Variants in STS observed in about 807,000 individuals in gnomAD.
STS encodes steroid sulfatase.
STS carries 7 observed loss-of-function variants against 26.8 expected under a neutral mutation model. That is an observed-to-expected ratio of 0.26 (90% CI 0.15 to 0.49). STS has a LOEUF of 0.49. STS is among the 20% of genes least tolerant of loss of function. The pLI, the probability that STS is intolerant of heterozygous loss-of-function variation, is 0.98. For synonymous variants in STS, 199 were observed against 189.4 expected (o/e 1.05, Z -0.42); for missense variants, 434 against 465.6 (o/e 0.93, Z 0.63).
chrX:7,279,823 G>C (rs961853471), intron 7 of STS, among the ~76,000 whole-genome samples: 2 of 110,659 alleles, frequency 1.8e-5, no homozygotes, highest in Non-Finnish European at 3.8e-5. Flanking sequence ...GCAATCTTTG[G>C]GGATATCAGT....
chrX:7,211,575 A>G, intron 2 of STS, among the ~76,000 whole-genome samples: 1 of 111,621 alleles, frequency 9.0e-6, no homozygotes, highest in East Asian at 2.8e-4. Context: ...TACTCCCACG[A>G]ATTTTTCTGG....
intron 1 of STS, among the ~76,000 whole-genome samples, chrX:7,182,748 G>C (rs752300263): frequency 9.0e-6 from 1 of 110,837 alleles, no homozygotes; most frequent in South Asian, 3.9e-4. Context: ...CTCTGCGGGG[G>C]GTGGTAATCT....
intron 7 of STS, among the ~76,000 whole-genome samples, chrX:7,300,802 G>A (rs1277699414): frequency 9.0e-6 from 1 of 111,694 alleles, no homozygotes; most frequent in African/African-American, 3.3e-5. Flanking sequence ...ATGAGGACAT[G>A]TTAAATATCA....
Position 7,260,572 on chromosome X carries a change from A to AT in STS, c.806+808dup, listed in dbSNP as rs1432307225. Among the ~76,000 whole-genome samples the AT allele has an allele frequency of 7.3e-5, 8 of 110,092 alleles. No individual in the cohort carries two copies. The East Asian group carries it at 2.0e-3, about 28-fold the overall frequency. The stretch of plus-strand genomic sequence containing the variant: ...AGGTGCCTGCCACCATGCCTGGCTA[A>AT]TTTTTTTTCTATTTTTAGTAGAGAC... On this transcript the variant is annotated intron_variant, in intron 6 of 10. Coordinates refer to ENST00000674429, the MANE Select transcript of STS (RefSeq NM_001320752.2).
At chrX:7,265,794 A>T (rs1441528971) in intron 6 of STS, among the ~76,000 whole-genome samples, 1 of 112,236 alleles carries the variant, frequency 8.9e-6, no homozygotes, top group Non-Finnish European at 1.9e-5. Context: ...GATTTAAAGC[A>T]CATTGTTACA....
At chrX:7,238,160 G>A (rs1404192301) in intron 2 of STS, among the ~76,000 whole-genome samples, 1 of 88,480 alleles carries the variant, frequency 1.1e-5, no homozygotes, top group Admixed American at 1.3e-4. Context: ...GTGTGTGTGT[G>A]TACACACAAT....
chrX:7,346,829 A>T (rs1928549671), intron 10 of STS, among the ~76,000 whole-genome samples: 1 of 112,081 alleles, frequency 8.9e-6, no homozygotes, highest in African/African-American at 3.2e-5. Context: ...GTGCTTTGGG[A>T]GGCCAAGGCA....
At chrX:7,149,174 A>G (rs1932957032) in intron 1 of STS, among the ~76,000 whole-genome samples, 1 of 110,217 alleles carries the variant, frequency 9.1e-6, no homozygotes, top group Non-Finnish European at 1.9e-5. Context: ...TTGGGGGAAT[A>G]GTTTGAGCCC....
intron 2 of STS, among the ~76,000 whole-genome samples, chrX:7,235,534 G>A (rs1922274710): frequency 8.9e-6 from 1 of 111,796 alleles, no homozygotes; most frequent in Admixed American, 9.5e-5. Flanking sequence ...GCACTTTGAG[G>A]GGCTAAAGTG....
At chrX:7,342,564 G>A (rs1414202873) in intron 10 of STS, among the ~76,000 whole-genome samples, 2 of 112,474 alleles carry the variant, frequency 1.8e-5, no homozygotes, top group African/African-American at 3.2e-5. Flanking sequence ...GATGCACCCA[G>A]CCACCAGAGC....
chrX:7,257,189 T>C (rs1238251742), intron 3 of STS, 53 bp from the exon 4 acceptor site: 1 of 1,201,090 alleles, frequency 8.3e-7, no homozygotes, highest in Non-Finnish European at 1.1e-6. Flanking sequence ...CAAAACTAAA[T>C]ACATGAACAA....
At chrX:7,194,082 T>C (rs1417039571) in intron 2 of STS, among the ~76,000 whole-genome samples, 2 of 110,504 alleles carry the variant, frequency 1.8e-5, no homozygotes, top group Non-Finnish European at 3.8e-5. Flanking sequence ...TTTTTGTATT[T>C]TTAGTGGAGA....
intron 2 of STS, among the ~76,000 whole-genome samples, chrX:7,210,404 T>C (rs190936582): frequency 0.011 from 1,211 of 109,322 alleles, 19 homozygotes; most frequent in African/African-American, 0.038. Context: ...TATATATCTA[T>C]ACACACACAC....
chrX:7,325,547 C>G (rs1170429894), intron 9 of STS, 49 bp downstream of exon 9: 2 of 1,186,139 alleles, frequency 1.7e-6, no homozygotes, highest in African/African-American at 3.5e-5. Context: ...GATTTCACAG[C>G]CCAGTATGCT....
chrX:7,288,979 A>G (rs1925280675), intron 7 of STS, among the ~76,000 whole-genome samples: 1 of 111,263 alleles, frequency 9.0e-6, no homozygotes, highest in South Asian at 3.8e-4. Context: ...GTGGGCAGCA[A>G]TAATTAGTTC....
chrX:7,246,268 T>C (rs939821878), intron 2 of STS, among the ~76,000 whole-genome samples: 1 of 109,081 alleles, frequency 9.2e-6, no homozygotes, highest in Non-Finnish European at 1.9e-5. Context: ...GAGACTTTTT[T>C]TTTTTTTTTT....
chrX:7,209,244 T>C (rs1920975190), intron 2 of STS, among the ~76,000 whole-genome samples: 1 of 110,891 alleles, frequency 9.0e-6, no homozygotes, highest in South Asian at 3.7e-4. Context: ...AGATCTTCCA[T>C]AGCAGGTAAC....
At chrX:7,260,343 A>G (rs1923681070) in intron 6 of STS, among the ~76,000 whole-genome samples, 1 of 112,460 alleles carries the variant, frequency 8.9e-6, no homozygotes, top group Non-Finnish European at 1.9e-5. Flanking sequence ...TGGGCTGGAA[A>G]GGCCCATGGC....
In STS at chrX:7,307,567, G is replaced by T. The variant is rs139189266; in HGVS notation, c.1081+2384G>T. 1.9e-3 allele frequency among the ~76,000 whole-genome samples: 211 copies of T among 111,888 alleles called. 1 individual carries two copies. The highest frequency in any genetic ancestry group is 6.7e-3 in the African/African-American group (207 of 30,792). ...CAGGCAAAGTCATAAGTCTATACAT[G>T]GAGATTATACATTGGTTTGACCTAA... is the stretch of plus-strand genomic sequence containing the variant. On this transcript the variant is annotated intron_variant, in intron 8 of 10. Coordinates refer to ENST00000674429, the MANE Select transcript of STS (RefSeq NM_001320752.2).
Sources: allele counts gnomAD v4.1 joint callset (sites outside exome capture counted in the v4.1 genomes callset), GRCh38; gene constraint gnomAD v4.1.1; transcripts MANE v1.5; gene names NCBI Gene and HGNC (gene_info 2026-07-23, HGNC 2026-07-21).